Variants in ARHGAP42 observed in about 807,000 individuals in gnomAD.
ARHGAP42 encodes rho GTPase-activating protein 42.
ARHGAP42 carries 63 observed loss-of-function variants against 125.0 expected under a neutral mutation model. The observed-to-expected ratio is 0.50, with a 90% confidence interval of 0.41 to 0.62. The LOEUF is 0.62. Among genes scored for constraint, ARHGAP42 ranks in the 20% least tolerant of loss-of-function variants. ARHGAP42 has a pLI of 0.00. For missense variants in ARHGAP42, 766 were observed against 1,024.2 expected (o/e 0.75, Z 3.44); for synonymous variants, 339 against 351.0 (o/e 0.97, Z 0.38).
chr11:100,902,546 T>A (rs1473660978), intron 4 of ARHGAP42, among the ~76,000 whole-genome samples: 1 of 152,186 alleles, frequency 6.6e-6, no homozygotes, highest in African/African-American at 2.4e-5. Flanking sequence ...TTTATATACA[T>A]CTTAGGACTA....
At chr11:100,702,118 CA>C (rs1019420186) in intron 1 of ARHGAP42, among the ~76,000 whole-genome samples, 103 of 144,078 alleles carry the variant, frequency 7.1e-4, no homozygotes, top group African/African-American at 2.1e-3. Flanking sequence ...GACCCTGTCT[CA>C]AAAAAAAAAT....
intron 22 of ARHGAP42, among the ~76,000 whole-genome samples, chr11:100,983,969 T>C (rs1858607910): frequency 6.6e-6 from 1 of 152,012 alleles, no homozygotes; most frequent in Non-Finnish European, 1.5e-5. Flanking sequence ...TATAAAACAT[T>C]AATTGGCACG....
At chr11:100,814,076 C>G (rs1864208853) in intron 3 of ARHGAP42, among the ~76,000 whole-genome samples, 1 of 152,054 alleles carries the variant, frequency 6.6e-6, no homozygotes, top group Non-Finnish European at 1.5e-5. Flanking sequence ...GCCTGTAATC[C>G]CAGCTACTCA....
At chr11:100,703,109 A>G (rs1861424053) in intron 1 of ARHGAP42, among the ~76,000 whole-genome samples, 1 of 152,206 alleles carries the variant, frequency 6.6e-6, no homozygotes, top group South Asian at 2.1e-4. Context: ...AATGGGGACT[A>G]TGAATATACT....
chr11:100,938,077 T>C (rs1354523483), intron 8 of ARHGAP42, among the ~76,000 whole-genome samples: 1 of 151,972 alleles, frequency 6.6e-6, no homozygotes, highest in Admixed American at 6.6e-5. Context: ...TAATCTCTCT[T>C]AATGGCACCC....
At chr11:100,875,073 GTCTCTCTCTCTCTCTC>G (rs143461552) in intron 4 of ARHGAP42, among the ~76,000 whole-genome samples, 1 of 110,462 alleles carries the variant, frequency 9.1e-6, no homozygotes, top group Non-Finnish European at 1.9e-5. Flanking sequence ...CTAATCCACT[GTCTCTCTCTCTCTCTC>G]TCTCTCTCTC....
chr11:100,967,968 C>T (rs115602857), intron 17 of ARHGAP42, among the ~76,000 whole-genome samples: 1,939 of 152,252 alleles, frequency 0.013, 13 homozygotes, highest in Non-Finnish European at 0.014. Context: ...GTGATGCACC[C>T]GCCTCAACAT....
Position 100,992,713 on chromosome 11 carries a change from G to A in ARHGAP42, c.*3912G>A. On this transcript the variant is annotated 3_prime_UTR_variant, in exon 24 of 24. Coordinates refer to ENST00000298815, the MANE Select transcript of ARHGAP42 (RefSeq NM_152432.4). ...TTTATGAATGATGTGGACTTTTAGA[G>A]GATCAAATCAATAAATTGGATTTTT... 2 of 1,543,906 alleles carry A rather than the reference G, an allele frequency of 1.3e-6. No individual in the cohort carries two copies. The highest frequency in any genetic ancestry group is 1.4e-5 in the African/African-American group (1 of 72,290).
Position 100,744,842 on chromosome 11 carries a change from A to AAG in ARHGAP42, c.155-25501_155-25500insAG, listed in dbSNP as rs1321054068. On this transcript the variant is annotated intron_variant, in intron 1 of 23. Transcript: ENST00000298815. Reference sequence around the variant, plus strand: ...ACTTGAATATAAAATTTTCTTTTTAATTCTCTGCAAGGCAATGTACTTGGG... The same window carrying AAG: ...ACTTGAATATAAAATTTTCTTTTTAAAGTTCTCTGCAAGGCAATGTACTTGGG... Among the ~76,000 whole-genome samples, 70 of 152,280 alleles carry AAG rather than the reference A, an allele frequency of 4.6e-4. 1 individual carries two copies. In the East Asian group the frequency reaches 0.012, roughly 26 times the overall value.
At chr11:100,705,283 A>G (rs1455846385) in intron 1 of ARHGAP42, among the ~76,000 whole-genome samples, 1 of 152,232 alleles carries the variant, frequency 6.6e-6, no homozygotes, top group Non-Finnish European at 1.5e-5. Flanking sequence ...TTTAATCATT[A>G]GAACATTTTA....
intron 5 of ARHGAP42, among the ~76,000 whole-genome samples, chr11:100,916,975 C>T (rs533794239): frequency 6.6e-6 from 1 of 151,132 alleles, no homozygotes; most frequent in East Asian, 1.9e-4. Flanking sequence ...GATTGTAAAC[C>T]AGAATATACA....
At chr11:100,919,264 C>A (rs563214844) in intron 5 of ARHGAP42, among the ~76,000 whole-genome samples, 81 of 152,308 alleles carry the variant, frequency 5.3e-4, no homozygotes, top group African/African-American at 1.7e-3. Flanking sequence ...AAATTCCAAA[C>A]TCCCAGAGGG....
intron 6 of ARHGAP42, among the ~76,000 whole-genome samples, chr11:100,922,622 A>G (rs1172312056): frequency 6.6e-6 from 1 of 152,228 alleles, no homozygotes; most frequent in Non-Finnish European, 1.5e-5. Context: ...AAAAAATAAA[A>G]TACTCTGTTT....
chr11:100,801,317 G>T (rs1244422365), intron 3 of ARHGAP42, among the ~76,000 whole-genome samples: 1 of 152,106 alleles, frequency 6.6e-6, no homozygotes, highest in Non-Finnish European at 1.5e-5. Context: ...AAAACCACTA[G>T]TTCAGATTTT....
chr11:100,753,774 C>T (rs576149671), intron 1 of ARHGAP42, among the ~76,000 whole-genome samples: 14 of 152,284 alleles, frequency 9.2e-5, no homozygotes, highest in African/African-American at 3.4e-4. Flanking sequence ...TAAGGCCTCC[C>T]TCTGTAGGCT....
chr11:100,730,988 A>T (rs566737185), intron 1 of ARHGAP42, among the ~76,000 whole-genome samples: 11 of 152,236 alleles, frequency 7.2e-5, no homozygotes, highest in Admixed American at 5.2e-4. Flanking sequence ...ATTGTTGACA[A>T]AGGTTTTGCT....
At chr11:100,908,265 A>G (rs1185529709) in intron 4 of ARHGAP42, among the ~76,000 whole-genome samples, 1 of 152,186 alleles carries the variant, frequency 6.6e-6, no homozygotes, top group Non-Finnish European at 1.5e-5. Context: ...CATCTTTGGT[A>G]CTTGCTTGTC....
In ARHGAP42 at chr11:100,913,239, G is replaced by A. The variant is rs115695011; in HGVS notation, c.385-213G>A. 4.0e-3 allele frequency among the ~76,000 whole-genome samples: 602 copies of A among 152,176 alleles called. 3 individuals carry two copies. The highest frequency in any genetic ancestry group is 0.014 in the African/African-American group (571 of 41,524). On this transcript the variant is annotated intron_variant, in intron 4 of 23. Coordinates refer to ENST00000298815, the MANE Select transcript of ARHGAP42 (RefSeq NM_152432.4). ...TTTGTTTATACATGGATTTCTCACC[G>A]CAAGATGGAAAGCTTTTTTGAGAGC...
At chr11:100,898,937 G>T (rs1866445642) in intron 4 of ARHGAP42, among the ~76,000 whole-genome samples, 1 of 152,070 alleles carries the variant, frequency 6.6e-6, no homozygotes, top group Non-Finnish European at 1.5e-5. Context: ...TGATGTTAGG[G>T]TGTCGATTTT....
Sources: allele counts gnomAD v4.1 joint callset (sites outside exome capture counted in the v4.1 genomes callset), GRCh38; gene constraint gnomAD v4.1.1; transcripts MANE v1.5; gene names NCBI Gene and HGNC (gene_info 2026-07-23, HGNC 2026-07-21).